NEGR1: variants seen among roughly 807,000 people sequenced by gnomAD.
NEGR1 encodes neuronal growth regulator 1, also known as IgLON family member 4.
A neutral mutation model predicts 40.9 loss-of-function variants in NEGR1; 10 were observed. That is an observed-to-expected ratio of 0.24 (90% CI 0.15 to 0.42). NEGR1 has a LOEUF of 0.42. NEGR1 is among the 10% of genes least tolerant of loss of function. The pLI, the probability that NEGR1 is intolerant of heterozygous loss-of-function variation, is 1.00. For missense variants in NEGR1, 352 were observed against 438.9 expected, an observed-to-expected ratio of 0.80 and a Z score of 1.77; for synonymous variants, 185 against 166.8, an observed-to-expected ratio of 1.11 and a Z score of -0.84.
intron 1 of NEGR1, among the ~76,000 whole-genome samples, chr1:71,990,010 T>C (rs1570584375): frequency 6.6e-6 from 1 of 152,344 alleles, no homozygotes; most frequent in East Asian, 1.9e-4. Flanking sequence ...ACAACAAGGA[T>C]GCATTATCTG....
intron 1 of NEGR1, among the ~76,000 whole-genome samples, chr1:72,204,695 G>A (rs1653333546): frequency 6.7e-6 from 1 of 150,366 alleles, no homozygotes; most frequent in Admixed American, 6.6e-5. Context: ...AATCAAGGCA[G>A]TGTTAATGAG....
intron 2 of NEGR1, among the ~76,000 whole-genome samples, chr1:71,912,157 G>A (rs937418377): frequency 4.6e-5 from 7 of 152,148 alleles, no homozygotes; most frequent in African/African-American, 1.4e-4. Context: ...TAGTCCTACA[G>A]GGCGAAGACC....
intron 2 of NEGR1, among the ~76,000 whole-genome samples, chr1:71,781,160 G>A (rs897709559): frequency 5.3e-5 from 8 of 152,076 alleles, no homozygotes; most frequent in African/African-American, 1.9e-4. Context: ...TCATCATGCT[G>A]CCTGCAACAT....
At chr1:71,693,518 C>CA (rs1653366250) in intron 4 of NEGR1, among the ~76,000 whole-genome samples, 1 of 151,510 alleles carries the variant, frequency 6.6e-6, no homozygotes, top group African/African-American at 2.4e-5. Flanking sequence ...AGTTCACTTA[C>CA]ATTCACATAT....
intron 6 of NEGR1, among the ~76,000 whole-genome samples, chr1:71,568,918 ATT>A (rs1301098957): frequency 1.1e-4 from 13 of 119,756 alleles, no homozygotes; most frequent in South Asian, 2.6e-4. Context: ...TCCTTTTGTA[ATT>A]TTTTTTTTTT....
At chr1:72,113,882 G>T (rs566232860) in intron 1 of NEGR1, among the ~76,000 whole-genome samples, 88 of 151,804 alleles carry the variant, frequency 5.8e-4, no homozygotes, top group Non-Finnish European at 1.2e-3. Context: ...GCATCACACA[G>T]ACTGCTTTAT....
chr1:71,984,889 C>T (rs1348541012), intron 1 of NEGR1, among the ~76,000 whole-genome samples: 1 of 152,012 alleles, frequency 6.6e-6, no homozygotes, highest in Non-Finnish European at 1.5e-5. Context: ...AAAATAATAA[C>T]TAATGCTTAT....
At chr1:71,434,196 A>C (rs551252538) in intron 6 of NEGR1, among the ~76,000 whole-genome samples, 45 of 152,326 alleles carry the variant, frequency 3.0e-4, no homozygotes, top group Non-Finnish European at 5.0e-4. Flanking sequence ...CAAATTAAGA[A>C]AAAATTATGT....
intron 4 of NEGR1, among the ~76,000 whole-genome samples, chr1:71,640,624 C>T (rs1032262278): frequency 6.6e-6 from 1 of 152,104 alleles, no homozygotes; most frequent in Non-Finnish European, 1.5e-5. Context: ...TTATTAATAA[C>T]TCAGTATCAG....
chr1:72,260,813 C>A (rs1278630289), intron 1 of NEGR1, among the ~76,000 whole-genome samples: 1 of 152,072 alleles, frequency 6.6e-6, no homozygotes, highest in African/African-American at 2.4e-5. Flanking sequence ...TAAAAGCTGA[C>A]ATTTACATGC....
intron 2 of NEGR1, among the ~76,000 whole-genome samples, chr1:71,780,040 C>CAAAAAAAAAAAAAAAAAAA (rs57576840): frequency 2.5e-4 from 25 of 99,734 alleles, no homozygotes; most frequent in Non-Finnish European, 2.9e-4. Flanking sequence ...ATAGGAAAAC[C>CAAAAAAAAAAAAAAAAAAA]AAAAAAAAAA....
intron 4 of NEGR1, among the ~76,000 whole-genome samples, chr1:71,663,830 T>C (rs1483652585): frequency 6.6e-6 from 1 of 152,216 alleles, no homozygotes; most frequent in African/African-American, 2.4e-5. Context: ...GTTTGTGAAT[T>C]TGGGCAACAG....
At position 71,801,340 on chromosome 1, in the gene NEGR1, G is replaced by T. The variant is rs540949005; in HGVS notation, c.410-25043C>A. On this transcript the variant is annotated intron_variant, in intron 2 of 6. Transcript: ENST00000357731. ...GTGAGTCCATCACATTTTATGGTTT[G>T]AAATACCAACTAAAAAGTCAAGAAC... Among the ~76,000 whole-genome samples the T allele has an allele frequency of 2.6e-5, 4 of 152,208 alleles. No homozygotes were observed. The East Asian group carries it at 7.7e-4, about 29-fold the overall frequency.
intron 5 of NEGR1, among the ~76,000 whole-genome samples, chr1:71,595,986 A>G (rs2101525285): frequency 6.6e-6 from 1 of 151,124 alleles, no homozygotes; most frequent in East Asian, 2.0e-4. Context: ...ATTGACTTAG[A>G]TTATACAATG....
chr1:72,096,647 CTTTTATTTTA>C (rs3080211), intron 1 of NEGR1, among the ~76,000 whole-genome samples: 11 of 149,142 alleles, frequency 7.4e-5, no homozygotes, highest in East Asian at 2.0e-4. Flanking sequence ...GTATCTTTTA[CTTTTATTTTA>C]TTTTATTTTA....
intron 1 of NEGR1, among the ~76,000 whole-genome samples, chr1:72,228,293 A>C (rs745709885): frequency 2.0e-5 from 3 of 152,172 alleles, no homozygotes; most frequent in Admixed American, 6.6e-5. Context: ...TGAGGGCCTT[A>C]AGAGAACAAA....
At chr1:72,218,842 T>C (rs555770072) in intron 1 of NEGR1, among the ~76,000 whole-genome samples, 12 of 152,020 alleles carry the variant, frequency 7.9e-5, no homozygotes, top group Non-Finnish European at 1.3e-4. Flanking sequence ...AGTCTTGAAA[T>C]GCATGTGTAA....
chr1:71,530,783 G>A (rs72938080), intron 6 of NEGR1, among the ~76,000 whole-genome samples: 5,873 of 151,254 alleles, frequency 0.039, 370 homozygotes, highest in African/African-American at 0.13. Flanking sequence ...TAGAAGTCGT[G>A]CCAACAATTA....
At chr1:71,634,572 TA>T in intron 4 of NEGR1, among the ~76,000 whole-genome samples, 1 of 152,064 alleles carries the variant, frequency 6.6e-6, no homozygotes, top group Non-Finnish European at 1.5e-5. Flanking sequence ...CCTAAATAGG[TA>T]AAAACTAGTT....
Sources: gnomAD v4.1 joint callset for allele counts (sites outside exome capture counted in the v4.1 genomes callset) on GRCh38, gnomAD v4.1.1 for gene constraint, MANE v1.5 for transcripts, NCBI Gene and HGNC (gene_info 2026-07-23, HGNC 2026-07-21) for gene names.